Variants in SMOC2 observed in about 807,000 individuals in gnomAD.
SMOC2 encodes SPARC related modular calcium binding 2.
A neutral mutation model predicts 61.4 loss-of-function variants in SMOC2; 39 were observed. The ratio of observed to expected loss-of-function variants is 0.64; its 90% CI spans 0.49 to 0.83. The LOEUF (loss-of-function observed/expected upper bound fraction) is 0.83. SMOC2 is among the 40% of genes least tolerant of loss of function. The probability of loss-of-function intolerance (pLI) is 0.00; values close to 1 mark genes in which losing one functional copy is unlikely to be tolerated. For synonymous variants in SMOC2, 247 were observed against 239.9 expected (o/e 1.03, Z -0.27); for missense variants, 556 against 592.9 (o/e 0.94, Z 0.65).
intron 9 of SMOC2, among the ~76,000 whole-genome samples, chr6:168,631,990 A>C (rs961102726): frequency 6.6e-6 from 1 of 152,236 alleles, no homozygotes; most frequent in Non-Finnish European, 1.5e-5. Flanking sequence ...TGCATTCCAC[A>C]TGCAATTCCT....
At chr6:168,540,868 C>G (rs922015607) in intron 4 of SMOC2, among the ~76,000 whole-genome samples, 6 of 152,172 alleles carry the variant, frequency 3.9e-5, no homozygotes, top group Non-Finnish European at 5.9e-5. Context: ...AAGGAGGACT[C>G]CCTGCAGGGA....
intron 1 of SMOC2, among the ~76,000 whole-genome samples, chr6:168,499,045 GGGGGGA>G (rs1782662293): frequency 7.4e-6 from 1 of 134,418 alleles, no homozygotes; most frequent in African/African-American, 3.0e-5. Context: ...CACAGTCTCT[GGGGGGA>G]CAGCCAGGGC....
intron 1 of SMOC2, among the ~76,000 whole-genome samples, chr6:168,487,443 A>G (rs1413153764): frequency 1.3e-5 from 2 of 152,232 alleles, no homozygotes; most frequent in African/African-American, 4.8e-5. Context: ...TTATTGAGCT[A>G]TCTCATGCAC....
At chr6:168,663,828 AT>A (rs1787583980) in intron 11 of SMOC2, among the ~76,000 whole-genome samples, 1 of 152,250 alleles carries the variant, frequency 6.6e-6, no homozygotes, top group Admixed American at 6.5e-5. Context: ...TTCAGATTAT[AT>A]TAAAATATTA....
At chr6:168,491,240 A>G (rs907562395) in intron 1 of SMOC2, among the ~76,000 whole-genome samples, 2 of 152,204 alleles carry the variant, frequency 1.3e-5, no homozygotes, top group Non-Finnish European at 2.9e-5. Context: ...TTGAACTATG[A>G]GGATGCAAGA....
intron 4 of SMOC2, among the ~76,000 whole-genome samples, chr6:168,536,080 T>C (rs1445930113): frequency 6.6e-6 from 1 of 152,238 alleles, no homozygotes; most frequent in African/African-American, 2.4e-5. Context: ...GTTTCTGGCC[T>C]GGCAGGTCTG....
At chr6:168,580,831 C>T (rs1296013600) in intron 7 of SMOC2, among the ~76,000 whole-genome samples, 1 of 152,184 alleles carries the variant, frequency 6.6e-6, no homozygotes, top group Non-Finnish European at 1.5e-5. Flanking sequence ...CATGCCTGGC[C>T]TAAAACACCA....
chr6:168,581,367 T>C (rs1308666002), intron 7 of SMOC2, among the ~76,000 whole-genome samples: 1 of 152,148 alleles, frequency 6.6e-6, no homozygotes, highest in Non-Finnish European at 1.5e-5. Flanking sequence ...AATGTGTGCC[T>C]GGCATGGGCA....
chr6:168,551,259 A>G (rs1210638632), intron 7 of SMOC2, among the ~76,000 whole-genome samples: 1 of 152,144 alleles, frequency 6.6e-6, no homozygotes, highest in Non-Finnish European at 1.5e-5. Flanking sequence ...GAGTCCATTA[A>G]ACCTCTTTCG....
chr6:168,559,337 C>T (rs1784337335), intron 7 of SMOC2, among the ~76,000 whole-genome samples: 1 of 152,028 alleles, frequency 6.6e-6, no homozygotes, highest in East Asian at 1.9e-4. Context: ...TGCCTATAAT[C>T]CCAGATACTC....
At chr6:168,482,160 A>G (rs1009137184) in intron 1 of SMOC2, among the ~76,000 whole-genome samples, 1 of 151,952 alleles carries the variant, frequency 6.6e-6, no homozygotes, top group Non-Finnish European at 1.5e-5. Context: ...AGACTAAGAA[A>G]AAAAGAGACG....
At chr6:168,467,310 G>GT (rs10717480) in intron 1 of SMOC2, among the ~76,000 whole-genome samples, 281 of 145,758 alleles carry the variant, frequency 1.9e-3, no homozygotes, top group Middle Eastern at 3.6e-3. Context: ...CCCTGCTAAG[G>GT]TTTTTTTTTT....
chr6:168,662,529 A>C (rs1004134190), intron 11 of SMOC2, among the ~76,000 whole-genome samples: 1 of 152,252 alleles, frequency 6.6e-6, no homozygotes, highest in Non-Finnish European at 1.5e-5. Context: ...ATGTGATGCC[A>C]CATGGGTGGA....
In SMOC2 at chr6:168,667,332, G is replaced by A. The variant is rs998432103; in HGVS notation, c.*894G>A. The stretch of plus-strand genomic sequence containing the variant: ...CTACCTGGTCCACCCCAGGGCTACC[G>A]GAAGGTAAAATCTTCACCTGAACCA... On this transcript the variant is annotated 3_prime_UTR_variant, in exon 13 of 13. Transcript: ENST00000356284. 6.6e-6 allele frequency: 1 copy of A among 152,196 alleles called. No homozygotes were observed. Among genetic ancestry groups the A allele is most frequent in the Admixed American group, 6.5e-5 (1 of 15,284 alleles). 9.4% of individuals were successfully genotyped at this position (152,196 alleles called of 1,614,324 possible). A position where few individuals can be genotyped will look rare whatever the true frequency, so the allele number is the denominator to read the frequency against.
intron 10 of SMOC2, 73 bp from the exon 11 acceptor site, chr6:168,652,881 G>C: frequency 6.8e-7 from 1 of 1,469,274 alleles, no homozygotes; most frequent in Non-Finnish European, 9.3e-7. Flanking sequence ...TTATGGGTTT[G>C]AGGGAAGGAC....
intron 1 of SMOC2, 65 bp downstream of exon 1, chr6:168,441,519 G>T: frequency 7.0e-7 from 1 of 1,427,868 alleles, no homozygotes. Context: ...GCCGGGTTCG[G>T]GTCCCCGCGC....
At chr6:168,465,180 TAAC>T (rs1324899369) in intron 1 of SMOC2, among the ~76,000 whole-genome samples, 2 of 152,280 alleles carry the variant, frequency 1.3e-5, no homozygotes, top group African/African-American at 4.8e-5. Flanking sequence ...TTTCTCTTTT[TAAC>T]AACAAAATGA....
intron 1 of SMOC2, among the ~76,000 whole-genome samples, chr6:168,454,345 G>A (rs548691896): frequency 2.6e-5 from 4 of 152,308 alleles, no homozygotes; most frequent in South Asian, 2.1e-4. Flanking sequence ...AACCTCAGCC[G>A]AAATCTAACT....
In SMOC2 at chr6:168,448,610, AGGAGGATGGTGATGG is replaced by A. The variant is rs1394078927; in HGVS notation, c.84+7178_84+7192del. On this transcript the variant is annotated intron_variant, in intron 1 of 12. Transcript: ENST00000356284. ...GGTGATGGGGAGGACGATGATGGGG[AGGAGGATGGTGATGG>A]GGAGGATGGTGATGGGGAGGAGGAT... Among the ~76,000 whole-genome samples, 230 of 148,980 alleles carry A rather than the reference AGGAGGATGGTGATGG, an allele frequency of 1.5e-3. 1 individual carries two copies. Among genetic ancestry groups the A allele is most frequent in the African/African-American group, 5.6e-3 (223 of 40,102 alleles).
Sources: gnomAD v4.1 joint callset for allele counts (sites outside exome capture counted in the v4.1 genomes callset) on GRCh38, gnomAD v4.1.1 for gene constraint, MANE v1.5 for transcripts, NCBI Gene and HGNC (gene_info 2026-07-23, HGNC 2026-07-21) for gene names.